DIDO1: variants seen among roughly 807,000 people sequenced by gnomAD.
DIDO1 encodes death-inducer obliterator 1.
Under a neutral mutation model 99.4 loss-of-function variants are expected in DIDO1, and 16 were observed. That is an observed-to-expected ratio of 0.16 (90% CI 0.11 to 0.24). The LOEUF (loss-of-function observed/expected upper bound fraction) is 0.24. Ranked by LOEUF, DIDO1 falls within the 10% of genes least tolerant of loss-of-function variation. The pLI, the probability that DIDO1 is intolerant of heterozygous loss-of-function variation, is 1.00. For synonymous variants in DIDO1, 1,366 were observed against 1,239.1 expected (o/e 1.10, Z -2.15); for missense variants, 2,996 against 3,014.0 (o/e 0.99, Z 0.14).
At position 62,890,451 on chromosome 20, in the gene DIDO1, T is replaced by C. The variant is rs1485185411; in HGVS notation, c.3541+509A>G. ...CACAAAATAGCTTGCCAAAGATGAA[T>C]GAACCTATTACAATTTGAGCTGCAG... On this transcript the variant is annotated intron_variant, in intron 15 of 15. Transcript: ENST00000395343. The C allele has an allele frequency of 6.1e-6, 6 of 990,968 alleles. No individual in the cohort carries two copies. In the South Asian group the frequency reaches 1.4e-4, roughly 23 times the overall value. 61.4% of individuals were successfully genotyped at this position (990,968 alleles called of 1,614,324 possible). A position where few individuals can be genotyped will look rare whatever the true frequency, so the allele number is the denominator to read the frequency against.
intron 15 of DIDO1, among the ~76,000 whole-genome samples, chr20:62,886,293 C>T (rs947050065): frequency 1.3e-5 from 2 of 152,230 alleles, no homozygotes; most frequent in Non-Finnish European, 2.9e-5. Context: ...GTTCCCCCAA[C>T]GCCCTCTGAA....
chr20:62,915,240 C>T (rs1274664981), intron 1 of DIDO1, among the ~76,000 whole-genome samples: 1 of 152,148 alleles, frequency 6.6e-6, no homozygotes, highest in Non-Finnish European at 1.5e-5. Context: ...CTTGGGAGGA[C>T]TGCTTGAGCC....
chr20:62,929,383 C>T (rs950290795), upstream of DIDO1: 2 of 152,546 alleles, frequency 1.3e-5, no homozygotes, highest in African/African-American at 4.8e-5. Context: ...CGGCGCTGGG[C>T]TCCTCCTCTG....
intron 2 of DIDO1, among the ~76,000 whole-genome samples, chr20:62,913,156 GCC>G (rs776964056): frequency 6.6e-6 from 1 of 152,186 alleles, no homozygotes; most frequent in South Asian, 2.1e-4. Flanking sequence ...ATGCTGCCTG[GCC>G]GTGGCCTCCA....
rs777439356 is a variant in DIDO1, at chr20:62,911,178, C to A, written c.435G>T (p.Gly145=). The change falls in exon 3 of 16, where the codon GGG becomes GGT. Residue 145 remains glycine, a synonymous_variant. Transcript: ENST00000395343. This position sits in a 1 kb window ranked among gnomAD's most constrained non-coding sequence, Gnocchi z 7.0. The part of the protein sequence containing the change: ...RPASSEKVKG[G]DDHDDTSDSD... ...TATCGGAGGTGTCATCGTGGTCATCCCCTCCTTTCACCTTTTCAGAAGAGG... is the reference window on the plus strand; with the variant it reads ...TATCGGAGGTGTCATCGTGGTCATCACCTCCTTTCACCTTTTCAGAAGAGG... The A allele has an allele frequency of 1.9e-6, 3 of 1,614,012 alleles. No individual in the cohort carries two copies. The highest frequency in any genetic ancestry group is 1.7e-5 in the Admixed American group (1 of 60,034).
At chr20:62,904,780 CAAAAAAAAAAAA>C (rs58039393) in intron 6 of DIDO1, among the ~76,000 whole-genome samples, 5 of 62,622 alleles carry the variant, frequency 8.0e-5, no homozygotes, top group African/African-American at 1.7e-4. Context: ...ACTCTTGTCT[CAAAAAAAAAAAA>C]AAAAAAAAAA....
At chr20:62,886,715 T>C (rs1284242764) in intron 15 of DIDO1, among the ~76,000 whole-genome samples, 1 of 152,206 alleles carries the variant, frequency 6.6e-6, no homozygotes, top group Non-Finnish European at 1.5e-5. Flanking sequence ...TAAAGCCACC[T>C]GGCACATCCC....
chr20:62,904,490 A>C (rs551015746), intron 6 of DIDO1, among the ~76,000 whole-genome samples: 1 of 152,138 alleles, frequency 6.6e-6, no homozygotes, highest in Admixed American at 6.5e-5. Context: ...CAATAACTGC[A>C]TATTTTTAGC....
chr20:62,905,171 G>T, intron 6 of DIDO1: 1 of 1,060,204 alleles, frequency 9.4e-7, no homozygotes, highest in South Asian at 3.9e-5. Flanking sequence ...AGAGACGAGG[G>T]CAAGAAAGCC....
At chr20:62,913,696 C>T (rs1468559437) in intron 2 of DIDO1, among the ~76,000 whole-genome samples, 4 of 152,222 alleles carry the variant, frequency 2.6e-5, no homozygotes, top group Admixed American at 1.3e-4. Context: ...CTGAGGGGCT[C>T]GCACTAGCCT....
rs182116853 is a variant in DIDO1 at position 62,904,606 on chromosome 20, C to T, written c.1588+1281G>A. 5.3e-3 allele frequency among the ~76,000 whole-genome samples: 811 copies of T among 151,900 alleles called. 4 individuals are homozygous for T. The highest frequency in any genetic ancestry group is 9.2e-3 in the Non-Finnish European group (628 of 67,924). On this transcript the variant is annotated intron_variant, in intron 6 of 15. Coordinates refer to ENST00000395343, the MANE Select transcript of DIDO1 (RefSeq NM_001193369.2). The stretch of plus-strand genomic sequence containing the variant: ...GACCAGCCTGACCAACATGGTGAAA[C>T]CCCGTCTCTACTAAAAATACAAAAA...
At chr20:62,937,575 T>C (rs575448625) in intron 1 of DIDO1, among the ~76,000 whole-genome samples, 2 of 152,122 alleles carry the variant, frequency 1.3e-5, no homozygotes, top group South Asian at 4.2e-4. Flanking sequence ...ACATCTCGAG[T>C]AAAGCGGGGG....
rs930292900 is a variant in DIDO1, at chr20:62,880,997, C to G, written c.4959G>C (p.Arg1653Ser). 1 of 1,605,680 alleles carries G rather than the reference C, an allele frequency of 6.2e-7. No homozygotes were observed. Among genetic ancestry groups the G allele is most frequent in the Non-Finnish European group, 8.5e-7 (1 of 1,178,890 alleles). The change falls in exon 16 of 16, where the codon AGG becomes AGC. Residue 1653 changes from arginine to serine, a missense_variant. Around this residue, in one of 5 missense-constraint regions of DIDO1, gnomAD observed 1,562 missense variants for 1,412.6 expected, o/e 1.11. Coordinates refer to ENST00000395343, the MANE Select transcript of DIDO1 (RefSeq NM_001193369.2). ...RPATVGDSSA[R>S]PARRVLLPTP... ...TGGGCAGCAGCACCCTCCGGGCAGG[C>G]CTGGCCGAGCTGTCTCCAACCGTGG... is the stretch of plus-strand genomic sequence containing the variant.
intron 1 of DIDO1, among the ~76,000 whole-genome samples, chr20:62,937,014 A>T (rs777990527): frequency 6.6e-6 from 1 of 152,274 alleles, no homozygotes; most frequent in Admixed American, 6.5e-5. Context: ...ATTAACGGAA[A>T]ATGTCCAAAA....
chr20:62,893,826 A>G lies in DIDO1; in HGVS notation c.2941T>C (p.Ser981Pro), dbSNP rs749669600. ...APSSSCTAVASAASRPDSTHM... is the reference protein window; with the variant it reads ...APSSSCTAVAPAASRPDSTHM... Reference sequence around the variant, plus strand: ...GTGCTGTCTGGGCGGGATGCTGCGGAGGCCACGGCTGTGCATGAACTGCTT... The same window carrying G: ...GTGCTGTCTGGGCGGGATGCTGCGGGGGCCACGGCTGTGCATGAACTGCTT... The change falls in exon 12 of 16, where the codon TCC becomes CCC. Residue 981 changes from serine to proline, a missense_variant. Physicochemically the swap from Ser to Pro is moderately conservative, Grantham distance 74. Transcript: ENST00000395343. 6.8e-6 allele frequency: 11 copies of G among 1,614,072 alleles called. No individual in the cohort carries two copies. Among genetic ancestry groups the G allele is most frequent in the Middle Eastern group, 1.6e-4 (1 of 6,062 alleles).
rs565685681 is a variant in DIDO1 at position 62,901,318 on chromosome 20, G to C, written c.1589-4322C>G. On this transcript the variant is annotated intron_variant, in intron 6 of 15. Coordinates refer to ENST00000395343, the MANE Select transcript of DIDO1 (RefSeq NM_001193369.2). ...TACTTGAGTGCCTTCCAACTTAATG[G>C]AGAGGTGTGTAATTCTCCCTAAGAA... Among the ~76,000 whole-genome samples the C allele has an allele frequency of 1.1e-4, 17 of 152,236 alleles. 1 individual carries two copies. In the South Asian group the frequency reaches 3.1e-3, roughly 28 times the overall value.
In DIDO1 at chr20:62,909,688, CA is replaced by C. The variant is rs1244006614; in HGVS notation, c.1161+10del. ...ACTGCTGAATGCTCGTCTCAGCGGA[CA>C]AACACTTACAGGCTGGAAGATCTTG... On this transcript the variant is annotated intron_variant, in intron 4 of 15. Transcript: ENST00000395343. 3 of 1,611,126 alleles carry C rather than the reference CA, an allele frequency of 1.9e-6. No individual in the cohort carries two copies. The highest frequency in any genetic ancestry group is 2.5e-6 in the Non-Finnish European group (3 of 1,177,668).
At chr20:62,890,894 A>C in intron 15 of DIDO1, 66 bp downstream of exon 15, 1 of 1,611,938 alleles carries the variant, frequency 6.2e-7, no homozygotes. Context: ...TCAGCAGGGC[A>C]TGTCAGTGGG....
In DIDO1 at chr20:62,895,126, C is replaced by T. The variant is rs749976618; in HGVS notation, c.2254G>A (p.Ala752Thr). Residue 752 changes from alanine to threonine, a missense_variant, in exon 9 of 16, where the codon GCG (alanine) becomes ACG (threonine). Transcript: ENST00000395343. Reference sequence around the variant, plus strand: ...TCTGGCTTCAGTCTCACAAGTTTCGCCAAAGAGATTTCCTCACGCAGAACA... The same window carrying T: ...TCTGGCTTCAGTCTCACAAGTTTCGTCAAAGAGATTTCCTCACGCAGAACA... ...HRVLREEISLAKLVRLKPEEL... is the reference protein window; with the variant it reads ...HRVLREEISLTKLVRLKPEEL... 1.2e-6 allele frequency: 2 copies of T among 1,612,144 alleles called. No individual in the cohort carries two copies. The highest frequency in any genetic ancestry group is 4.5e-5 in the East Asian group (2 of 44,790).
Sources: gnomAD v4.1 joint callset for allele counts (sites outside exome capture counted in the v4.1 genomes callset) on GRCh38, gnomAD v4.1.1 for gene constraint, gnomAD v4.1.1 regional missense constraint, Gnocchi (gnomAD v3.1) non-coding constraint, MANE v1.5 for transcripts, NCBI Gene and HGNC (gene_info 2026-07-23, HGNC 2026-07-21) for gene names.